Variants in LVRN observed in about 807,000 individuals in gnomAD.
LVRN encodes the protein aminopeptidase Q.
Under a neutral mutation model 111.4 loss-of-function variants are expected in LVRN, and 99 were observed. The ratio of observed to expected loss-of-function variants is 0.89; its 90% CI spans 0.76 to 1.05. The LOEUF (loss-of-function observed/expected upper bound fraction) is 1.05. LVRN is among the 50% of genes least tolerant of loss of function. The probability of loss-of-function intolerance (pLI) is 0.00; values close to 1 mark genes in which losing one functional copy is unlikely to be tolerated. For missense variants in LVRN, 1,414 were observed against 1,206.8 expected (o/e 1.17, Z -2.54); for synonymous variants, 488 against 449.5 (o/e 1.09, Z -1.08).
At chr5:116,012,900 G>T (rs1195303714) in intron 15 of LVRN, among the ~76,000 whole-genome samples, 1 of 152,182 alleles carries the variant, frequency 6.6e-6, no homozygotes, top group Admixed American at 6.5e-5. Context: ...GGTTGACAGT[G>T]ATATAGATCA....
chr5:116,013,895 A>T (rs1362067308), intron 15 of LVRN, among the ~76,000 whole-genome samples: 1 of 152,210 alleles, frequency 6.6e-6, no homozygotes, highest in African/African-American at 2.4e-5. Context: ...AAACACCTTT[A>T]TTCTTTTCCT....
chr5:116,011,402 A>G (rs1198669877), intron 14 of LVRN, among the ~76,000 whole-genome samples: 1 of 152,168 alleles, frequency 6.6e-6, no homozygotes, highest in Non-Finnish European at 1.5e-5. Context: ...GAGAAATTAG[A>G]ATTACTGAAC....
In LVRN at chr5:115,964,103, G is replaced by A. The variant is rs551316937; in HGVS notation, c.695+791G>A. Among the ~76,000 whole-genome samples, 5 of 152,300 alleles carry A rather than the reference G, an allele frequency of 3.3e-5. No homozygotes were observed. The South Asian group carries it at 8.3e-4, about 25-fold the overall frequency. On this transcript the variant is annotated intron_variant, in intron 1 of 19. Transcript: ENST00000357872. ...CTGCACAAGAATTGTCTCTTTCCAC[G>A]CTCTGAGACCACAATACTGTCCTCC...
At chr5:115,985,258 G>A (rs762147954) in intron 3 of LVRN, among the ~76,000 whole-genome samples, 13 of 152,132 alleles carry the variant, frequency 8.5e-5, no homozygotes, top group African/African-American at 1.7e-4. Flanking sequence ...AAATGCAGAA[G>A]GAGCTGAGAA....
At position 115,962,901 on chromosome 5, in the gene LVRN, A is replaced by G. The variant is rs1753114586; in HGVS notation, c.284A>G (p.Gln95Arg). 1 of 1,612,702 alleles carries G rather than the reference A, an allele frequency of 6.2e-7. No homozygotes were observed. Among genetic ancestry groups the G allele is most frequent in the Admixed American group, 1.7e-5 (1 of 59,958 alleles). The change falls in exon 1 of 20, where the codon CAG (glutamine) becomes CGG (arginine). Residue 95 changes from glutamine (Q) to arginine (R), a missense_variant. Transcript: ENST00000357872. ...SNWRPPGPWDQLRLPPWLVPL... is the reference protein window; with the variant it reads ...SNWRPPGPWDRLRLPPWLVPL... ...TGGCGACCCCCGGGGCCCTGGGACC[A>G]GCTACGCCTGCCGCCCTGGCTCGTG... is the stretch of plus-strand genomic sequence containing the variant.
At chr5:116,014,234 A>G (rs551857228) in intron 15 of LVRN, among the ~76,000 whole-genome samples, 186 bp from the exon 16 acceptor site, 1 of 152,230 alleles carries the variant, frequency 6.6e-6, no homozygotes, top group Admixed American at 6.5e-5. Context: ...AGAGCCTCTC[A>G]GTAAATATTT....
At chr5:115,971,031 A>G (rs1753314186) in intron 1 of LVRN, among the ~76,000 whole-genome samples, 1 of 152,224 alleles carries the variant, frequency 6.6e-6, no homozygotes, top group Admixed American at 6.5e-5. Context: ...TGGTATTGCC[A>G]GACTTTTTCA....
chr5:115,973,741 A>G (rs1753376706), intron 1 of LVRN, among the ~76,000 whole-genome samples: 1 of 152,122 alleles, frequency 6.6e-6, no homozygotes, highest in Non-Finnish European at 1.5e-5. Context: ...TAAAATCTGT[A>G]GTGACATCAC....
At chr5:115,966,075 C>G (rs896534841) in intron 1 of LVRN, among the ~76,000 whole-genome samples, 1 of 152,156 alleles carries the variant, frequency 6.6e-6, no homozygotes, top group Admixed American at 6.5e-5. Context: ...ATATCAAAAT[C>G]AAGAATTTGA....
chr5:115,972,516 A>T lies in LVRN; in HGVS notation c.695+9204A>T, dbSNP rs191388962. Among the ~76,000 whole-genome samples, 311 of 151,930 alleles carry T rather than the reference A, an allele frequency of 2.0e-3. 2 individuals carry two copies. The highest frequency in any genetic ancestry group is 6.9e-3 in the African/African-American group (287 of 41,456). ...TTTAATTTTCCATTAAATTCTCTAC[A>T]TAGGTTGTCATACTGTCTTGAATAA... On this transcript the variant is annotated intron_variant, in intron 1 of 19. Coordinates refer to ENST00000357872, the MANE Select transcript of LVRN (RefSeq NM_173800.5).
Position 115,974,948 on chromosome 5 carries a change from T to A in LVRN, c.696-8339T>A, listed in dbSNP as rs1379136039. The stretch of plus-strand genomic sequence containing the variant: ...AAGTATTAGGTCACTTGATAAATGA[T>A]CTGCAACTGCCTTTTGGGAAATGAA... On this transcript the variant is annotated intron_variant, in intron 1 of 19. Coordinates refer to ENST00000357872, the MANE Select transcript of LVRN (RefSeq NM_173800.5). 1.1e-5 allele frequency: 5 copies of A among 449,408 alleles called. No homozygotes were observed. In the Admixed American group the frequency reaches 1.2e-4, roughly 11 times the overall value. The allele number at this position is 449,408 out of a possible 1,614,324, so 27.8% of individuals were successfully genotyped here. A position where few individuals can be genotyped will look rare whatever the true frequency, so the allele number is the denominator to read the frequency against.
intron 6 of LVRN, among the ~76,000 whole-genome samples, chr5:115,994,114 A>C (rs1748055448): frequency 6.6e-6 from 1 of 152,008 alleles, no homozygotes; most frequent in Non-Finnish European, 1.5e-5. Flanking sequence ...ATATTTCTAC[A>C]TATTCATATT....
chr5:115,983,289 C>A lies in LVRN; in HGVS notation c.698C>A (p.Ala233Asp). 1.3e-6 allele frequency: 2 copies of A among 1,578,598 alleles called. No homozygotes were observed. The highest frequency in any genetic ancestry group is 2.3e-5 in the East Asian group (1 of 44,080). The change falls in exon 2 of 20, where the codon GCC becomes GAC. Residue 233 changes from alanine to aspartate, a missense_variant and splice_region_variant. Physicochemically the swap from Ala to Asp is moderately radical, Grantham distance 126. Coordinates refer to ENST00000357872, the MANE Select transcript of LVRN (RefSeq NM_173800.5). Reference sequence around the variant, plus strand: ...AATTTCCCCAAAATGTATTTCAGGGCCCTGTTAGCGTCCCAGCTGGAACCA... The same window carrying A: ...AATTTCCCCAAAATGTATTTCAGGGACCTGTTAGCGTCCCAGCTGGAACCA... ...NVYTDQGERR[A>D]LLASQLEPTF...
At position 115,962,717 on chromosome 5, in the gene LVRN, G is replaced by T. The variant is rs1472822271; in HGVS notation, c.100G>T (p.Ala34Ser). Reference protein sequence around the residue: ...AALLLALAVLAALYGHCERVP... With the variant: ...AALLLALAVLSALYGHCERVP... ...CCTCCTGCTGGCGCTGGCCGTACTC[G>T]CCGCCTTGTACGGCCACTGCGAGCG... Residue 34 changes from alanine (A) to serine (S), a missense_variant, in exon 1 of 20, where the codon GCC becomes TCC. Coordinates refer to ENST00000357872, the MANE Select transcript of LVRN (RefSeq NM_173800.5). 1 of 1,611,874 alleles carries T rather than the reference G, an allele frequency of 6.2e-7. No individual in the cohort carries two copies. Among genetic ancestry groups the T allele is most frequent in the South Asian group, 1.1e-5 (1 of 91,028 alleles).
At chr5:115,968,891 C>T (rs1055512947) in intron 1 of LVRN, among the ~76,000 whole-genome samples, 1 of 152,150 alleles carries the variant, frequency 6.6e-6, no homozygotes, top group Non-Finnish European at 1.5e-5. Context: ...GAGGAAAGTT[C>T]TGTAGAGTGT....
rs148013005 is a variant in LVRN, at chr5:116,000,655, A to G, written c.1644A>G (p.Gln548=). The G allele has an allele frequency of 2.5e-5, 40 of 1,613,642 alleles. No homozygotes were observed. In the Middle Eastern group the frequency reaches 8.2e-4, roughly 33 times the overall value. Residue 548 remains glutamine, a synonymous_variant, in exon 9 of 20, where the codon CAA becomes CAG. Coordinates refer to ENST00000357872, the MANE Select transcript of LVRN (RefSeq NM_173800.5). ...AAGATGATCTATGGAGGCATTTTCA[A>G]ATGGTAATTGTCCTACTTTCTGACA... is the stretch of plus-strand genomic sequence containing the variant. The part of the protein sequence containing the change: ...AEQDDLWRHF[Q]MAIDDQSTVI...
At position 115,988,079 on chromosome 5, in the gene LVRN, T is replaced by C. The variant is rs186414529; in HGVS notation, c.1105+140T>C. The stretch of plus-strand genomic sequence containing the variant: ...GGTTTGGAGTTAGCCTCCTGACCTA[T>C]GCCTTATACCTTCTGAAACACACAG... On this transcript the variant is annotated intron_variant, in intron 4 of 19. Transcript: ENST00000357872. 2.1e-5 allele frequency: 24 copies of C among 1,146,122 alleles called. No homozygotes were observed. The East Asian group carries it at 5.9e-4, about 28-fold the overall frequency. The allele number at this position is 1,146,122 out of a possible 1,614,324, so 71.0% of individuals were successfully genotyped here.
At position 115,999,888 on chromosome 5, in the gene LVRN, T is replaced by C; in HGVS notation, c.1501T>C (p.Phe501Leu). 6.2e-7 allele frequency: 1 copy of C among 1,610,292 alleles called. No homozygotes were observed. The highest frequency in any genetic ancestry group is 8.5e-7 in the Non-Finnish European group (1 of 1,179,130). The change falls in exon 7 of 20, where the codon TTT (phenylalanine) becomes CTT (leucine). Residue 501 changes from phenylalanine (F) to leucine (L), a missense_variant. Transcript: ENST00000357872. ...TSEIQELFDI[F>L]TYSKGASMAR... ...TGAAATACAGGAACTCTTTGACATA[T>C]TTACTTACAGCAAGGTAAAAGCAGT...
At chr5:116,007,524 T>C (rs1199273617) in intron 13 of LVRN, among the ~76,000 whole-genome samples, 1 of 152,238 alleles carries the variant, frequency 6.6e-6, no homozygotes, top group Non-Finnish European at 1.5e-5. Flanking sequence ...TCCCTGACTT[T>C]TATATGTGCA....
Sources: gnomAD v4.1 joint callset for allele counts (sites outside exome capture counted in the v4.1 genomes callset) on GRCh38, gnomAD v4.1.1 for gene constraint, MANE v1.5 for transcripts, NCBI Gene and HGNC (gene_info 2026-07-23, HGNC 2026-07-21) for gene names.